The following ANKHD1 variants were observed in gnomAD, a reference collection of about 807,000 sequenced individuals.
ANKHD1 encodes the protein ankyrin repeat and KH domain-containing protein 1.
In ANKHD1, 31 loss-of-function variants were observed where a neutral mutation model predicts 230.5. The observed-to-expected ratio is 0.13, with a 90% confidence interval of 0.10 to 0.18. The LOEUF is 0.18. ANKHD1 is among the 10% of genes least tolerant of loss of function. The pLI, the probability that ANKHD1 is intolerant of heterozygous loss-of-function variation, is 1.00. For missense variants in ANKHD1, 2,256 were observed against 3,071.3 expected (o/e 0.73, Z 6.27); for synonymous variants, 1,074 against 1,117.6 (o/e 0.96, Z 0.78).
chr5:140,424,231 G>A (rs892566354), intron 1 of ANKHD1, among the ~76,000 whole-genome samples: 3 of 152,084 alleles, frequency 2.0e-5, no homozygotes, highest in African/African-American at 7.2e-5. Context: ...GAGAGAGAGA[G>A]AGAGAGAGAG....
chr5:140,491,127 TATATATATACAC>T (rs1751763233), intron 14 of ANKHD1, among the ~76,000 whole-genome samples: 1 of 80,434 alleles, frequency 1.2e-5, no homozygotes, highest in African/African-American at 3.5e-5. Flanking sequence ...CACATATATA[TATATATATACAC>T]ATATATATAT....
intron 10 of ANKHD1, among the ~76,000 whole-genome samples, chr5:140,479,154 C>T (rs994966339): frequency 2.0e-5 from 3 of 151,620 alleles, no homozygotes; most frequent in African/African-American, 2.4e-5. Flanking sequence ...CCCGCCACCA[C>T]GCCCGGCTAA....
At chr5:140,459,129 T>TGCAA in intron 8 of ANKHD1, 35 bp from the exon 9 acceptor site, 1 of 1,464,966 alleles carries the variant, frequency 6.8e-7, no homozygotes, top group Non-Finnish European at 9.1e-7. Flanking sequence ...ATAAGTCTCT[T>TGCAA]GCAACTAATT....
Position 140,445,764 on chromosome 5 carries a change from A to C in ANKHD1, c.936A>C (p.Ala312=). 1 of 1,604,188 alleles carries C rather than the reference A, an allele frequency of 6.2e-7. No homozygotes were observed. The highest frequency in any genetic ancestry group is 1.1e-5 in the South Asian group (1 of 89,026). The change falls in exon 6 of 34, where the codon GCA becomes GCC. Residue 312 remains alanine, a synonymous_variant. Transcript: ENST00000360839. The part of the protein sequence containing the change: ...SATGNTALTY[A]CAGGFVDIVK... ...TAGGAAACACTGCGCTAACTTATGC[A>C]TGTGCTGGAGGATTTGTTGACATTG...
At chr5:140,421,780 G>A (rs146501110) in intron 1 of ANKHD1, among the ~76,000 whole-genome samples, 1 of 152,098 alleles carries the variant, frequency 6.6e-6, no homozygotes, top group Non-Finnish European at 1.5e-5. Flanking sequence ...CTATATTTTG[G>A]TACCTGTCTT....
At chr5:140,405,303 G>T (rs1298699683) in intron 1 of ANKHD1, among the ~76,000 whole-genome samples, 2 of 152,122 alleles carry the variant, frequency 1.3e-5, no homozygotes, top group African/African-American at 4.8e-5. Flanking sequence ...GTGTATAGAT[G>T]CTTTCTTAAT....
intron 14 of ANKHD1, among the ~76,000 whole-genome samples, chr5:140,495,074 C>G (rs1259619721): frequency 1.3e-5 from 2 of 152,066 alleles, no homozygotes; most frequent in East Asian, 3.8e-4. Context: ...CAGGCAGCCA[C>G]TACTGTCCCT....
At chr5:140,478,662 G>A (rs1248105947) in intron 10 of ANKHD1, among the ~76,000 whole-genome samples, 1 of 151,990 alleles carries the variant, frequency 6.6e-6, no homozygotes, top group African/African-American at 2.4e-5. Context: ...GTTTGTTTTT[G>A]AGACAGAATT....
At position 140,538,996 on chromosome 5, in the gene ANKHD1, G is replaced by A. The variant is rs1476924989; in HGVS notation, c.7482G>A (p.Leu2494=). 3 of 1,612,692 alleles carry A rather than the reference G, an allele frequency of 1.9e-6. No individual in the cohort carries two copies. Among genetic ancestry groups the A allele is most frequent in the East Asian group, 2.2e-5 (1 of 44,758 alleles). The change falls in exon 33 of 34, where the codon CTG becomes CTA. Residue 2494 remains leucine (L), a synonymous_variant. Transcript: ENST00000360839. ...TTGCTGATGTTCCAGGAGGCCCTCT[G>A]TTTAATGGACTTCACAATCCAGATC... is the stretch of plus-strand genomic sequence containing the variant. The part of the protein sequence containing the change: ...PQLADVPGGP[L]FNGLHNPDPA...
Position 140,529,380 on chromosome 5 carries a change from C to G in ANKHD1, c.6434C>G (p.Ser2145Cys). 2 of 1,614,202 alleles carry G rather than the reference C, an allele frequency of 1.2e-6. No homozygotes were observed. The highest frequency in any genetic ancestry group is 8.5e-7 in the Non-Finnish European group (1 of 1,180,040). The change falls in exon 29 of 34, where the codon TCC becomes TGC. Residue 2145 changes from serine to cysteine, a missense_variant. Physicochemically the swap from Ser to Cys is moderately radical, Grantham distance 112 (BLOSUM62 -1). Around this residue, in one of 13 missense-constraint regions of ANKHD1, gnomAD observed 778 missense variants for 966.5 expected, o/e 0.80. Coordinates refer to ENST00000360839, the MANE Select transcript of ANKHD1 (RefSeq NM_017747.3). The part of the protein sequence containing the change: ...HRMQPRGSFY[S>C]MVPNATIHQD... ...ATGCAGCCCAGAGGTTCTTTTTACT[C>G]CATGGTACCAAATGCAACTATTCAC...
At chr5:140,460,723 G>A (rs1205084913) in intron 9 of ANKHD1, among the ~76,000 whole-genome samples, 5 of 151,862 alleles carry the variant, frequency 3.3e-5, no homozygotes, top group Non-Finnish European at 5.9e-5. Flanking sequence ...ATTTTGCCAC[G>A]TTCCTGAGGC....
intron 26 of ANKHD1, 34 bp from the exon 27 acceptor site, chr5:140,526,889 ACTTAT>A (rs755334031): frequency 6.3e-7 from 1 of 1,580,904 alleles, no homozygotes; most frequent in Non-Finnish European, 8.6e-7. Flanking sequence ...CTATCTTAAA[ACTTAT>A]CTTTTATTGT....
intron 24 of ANKHD1, among the ~76,000 whole-genome samples, chr5:140,518,066 G>A (rs923062177): frequency 1.3e-4 from 20 of 152,126 alleles, no homozygotes; most frequent in African/African-American, 4.6e-4. Flanking sequence ...AAGAAAAAAA[G>A]AAGAATCAAA....
At chr5:140,536,715 G>C (rs1355413318) in intron 30 of ANKHD1, among the ~76,000 whole-genome samples, 1 of 152,148 alleles carries the variant, frequency 6.6e-6, no homozygotes, top group African/African-American at 2.4e-5. Flanking sequence ...TGCAAATATT[G>C]CCACATTTTA....
intron 1 of ANKHD1, among the ~76,000 whole-genome samples, chr5:140,407,025 G>A (rs1000331230): frequency 7.9e-5 from 12 of 152,008 alleles, no homozygotes; most frequent in South Asian, 6.2e-4. Flanking sequence ...GGCCTGGTGC[G>A]GTGGCTAACG....
At chr5:140,439,230 G>A (rs1408057658) in intron 3 of ANKHD1, among the ~76,000 whole-genome samples, 1 of 152,148 alleles carries the variant, frequency 6.6e-6, no homozygotes, top group Non-Finnish European at 1.5e-5. Flanking sequence ...AAAAATTTCA[G>A]CCATAGGATT....
chr5:140,531,097 T>C (rs1753793863), intron 29 of ANKHD1, among the ~76,000 whole-genome samples: 1 of 152,198 alleles, frequency 6.6e-6, no homozygotes, highest in African/African-American at 2.4e-5. Context: ...AATATAGACT[T>C]TGAGAAGCCC....
chr5:140,459,987 C>T (rs1289326773), intron 9 of ANKHD1, among the ~76,000 whole-genome samples: 1 of 152,040 alleles, frequency 6.6e-6, no homozygotes, highest in Non-Finnish European at 1.5e-5. Flanking sequence ...GTATCTCGTT[C>T]ACCTTCTTTC....
Position 140,497,289 on chromosome 5 carries a change from A to G in ANKHD1, c.3004+11A>G. 1 of 1,586,222 alleles carries G rather than the reference A, an allele frequency of 6.3e-7. No homozygotes were observed. Among genetic ancestry groups the G allele is most frequent in the Non-Finnish European group, 8.5e-7 (1 of 1,173,082 alleles). ...ATGACCTGATAGCAGGTGGGTTAAGAAATATATCTGTAATAATTTCTCTTT... is the reference window on the plus strand; with the variant it reads ...ATGACCTGATAGCAGGTGGGTTAAGGAATATATCTGTAATAATTTCTCTTT... On this transcript the variant is annotated intron_variant, in intron 15 of 33. Coordinates refer to ENST00000360839, the MANE Select transcript of ANKHD1 (RefSeq NM_017747.3).
Sources: gnomAD v4.1 joint callset for allele counts (sites outside exome capture counted in the v4.1 genomes callset) on GRCh38, gnomAD v4.1.1 for gene constraint, gnomAD v4.1.1 regional missense constraint, MANE v1.5 for transcripts, NCBI Gene and HGNC (gene_info 2026-07-23, HGNC 2026-07-21) for gene names.